SNAI2: variants seen among roughly 807,000 people sequenced by gnomAD.
SNAI2 encodes the protein zinc finger protein SNAI2.
Under a neutral mutation model 22.4 loss-of-function variants are expected in SNAI2, and 2 were observed. That is an observed-to-expected ratio of 0.09 (90% CI 0.04 to 0.28). SNAI2 has a LOEUF of 0.28. Ranked by LOEUF, SNAI2 falls within the 10% of genes least tolerant of loss-of-function variation. The probability of loss-of-function intolerance (pLI) is 1.00; values close to 1 mark genes in which losing one functional copy is unlikely to be tolerated. For missense variants in SNAI2, 239 were observed against 320.8 expected, an observed-to-expected ratio of 0.75 and a Z score of 1.95; for synonymous variants, 134 against 123.0, an observed-to-expected ratio of 1.09 and a Z score of -0.59.
chr8:48,920,068 G>A lies in SNAI2; in HGVS notation c.453C>T (p.Cys151=). 1 of 1,614,176 alleles carries A rather than the reference G, an allele frequency of 6.2e-7. No individual in the cohort carries two copies. The highest frequency in any genetic ancestry group is 8.5e-7 in the Non-Finnish European group (1 of 1,180,020). Residue 151 remains cysteine, a synonymous_variant, in exon 2 of 3, where the codon TGC becomes TGT. Coordinates refer to ENST00000020945, the MANE Select transcript of SNAI2 (RefSeq NM_003068.5). ...TGAAAGATTTTCTAGACTGGGCATC[G>A]CAGTGCAGCTGCTTATGTTTGGCCA... is the stretch of plus-strand genomic sequence containing the variant. ...SGLAKHKQLH[C]DAQSRKSFSC...
Position 48,921,298 on chromosome 8 carries a change from GA to G in SNAI2, c.-34del. 1.9e-6 allele frequency: 3 copies of G among 1,564,628 alleles called. No individual in the cohort carries two copies. The highest frequency in any genetic ancestry group is 1.8e-6 in the Non-Finnish European group (2 of 1,139,506). Reference sequence around the variant, plus strand: ...GCGGGTCTGGCGGGCGCCCGGCGCGGATAACGGTCCGGCGGGAGGACACGGC... The same window carrying G: ...GCGGGTCTGGCGGGCGCCCGGCGCGGTAACGGTCCGGCGGGAGGACACGGC... On this transcript the variant is annotated 5_prime_UTR_variant, in exon 1 of 3. Coordinates refer to ENST00000020945, the MANE Select transcript of SNAI2 (RefSeq NM_003068.5).
In SNAI2 at chr8:48,921,394, C is replaced by G; in HGVS notation, c.-129G>C. 1 of 753,268 alleles carries G rather than the reference C, an allele frequency of 1.3e-6. No individual in the cohort carries two copies. Among genetic ancestry groups the G allele is most frequent in the South Asian group, 1.4e-5 (1 of 69,046 alleles). 46.7% of individuals were successfully genotyped at this position (753,268 alleles called of 1,614,324 possible). On this transcript the variant is annotated 5_prime_UTR_variant, in exon 1 of 3. Coordinates refer to ENST00000020945, the MANE Select transcript of SNAI2 (RefSeq NM_003068.5). ...GCTCAGGTGCGGCAGACGGACGGGC[C>G]GGCGCCTCTGAAGTCACCCGGCTCC...
At position 48,921,390 on chromosome 8, in the gene SNAI2, G is replaced by T. The variant is rs1806160908; in HGVS notation, c.-125C>A. On this transcript the variant is annotated 5_prime_UTR_variant, in exon 1 of 3. Transcript: ENST00000020945. ...CCGTGCTCAGGTGCGGCAGACGGACGGGCCGGCGCCTCTGAAGTCACCCGG... is the reference window on the plus strand; with the variant it reads ...CCGTGCTCAGGTGCGGCAGACGGACTGGCCGGCGCCTCTGAAGTCACCCGG... 3.9e-6 allele frequency: 3 copies of T among 766,276 alleles called. No homozygotes were observed. The highest frequency in any genetic ancestry group is 1.4e-5 in the South Asian group (1 of 69,826). The allele number at this position is 766,276 out of a possible 1,614,324, so 47.5% of individuals were successfully genotyped here.
In SNAI2 at chr8:48,920,240, G is replaced by T; in HGVS notation, c.281C>A (p.Thr94Asn). ...TGAGCCACTGTGGTCCTTGGAGGAG[G>T]TGTCAGATGGAGGAGGGGGACTCAC... ...GRVSPPPPSD[T>N]SSKDHSGSES... The change falls in exon 2 of 3, where the codon ACC (threonine) becomes AAC (asparagine). Residue 94 changes from threonine to asparagine, a missense_variant. Physicochemically the swap from Thr to Asn is moderately conservative, Grantham distance 65 (BLOSUM62 0). Around this residue, in one of 3 missense-constraint regions of SNAI2, gnomAD observed 183 missense variants for 190.4 expected, o/e 0.96. Coordinates refer to ENST00000020945, the MANE Select transcript of SNAI2 (RefSeq NM_003068.5). The T allele has an allele frequency of 6.2e-7, 1 of 1,614,144 alleles. No homozygotes were observed. The highest frequency in any genetic ancestry group is 8.5e-7 in the Non-Finnish European group (1 of 1,180,008).
intron 1 of SNAI2, among the ~76,000 whole-genome samples, chr8:48,920,933 T>C (rs1806153725): frequency 6.6e-6 from 1 of 152,232 alleles, no homozygotes; most frequent in Non-Finnish European, 1.5e-5. Flanking sequence ...TCATTATGCA[T>C]GTATACACAG....
chr8:48,918,702 T>G lies in SNAI2; in HGVS notation c.*105A>C. On this transcript the variant is annotated 3_prime_UTR_variant, in exon 3 of 3. Transcript: ENST00000020945. ...GCATATGTGTGTGTGTCTATACATATTATTTGGTTGGTCAGCACAGGAGAA... is the reference window on the plus strand; with the variant it reads ...GCATATGTGTGTGTGTCTATACATAGTATTTGGTTGGTCAGCACAGGAGAA... 1 of 1,038,512 alleles carries G rather than the reference T, an allele frequency of 9.6e-7. No individual in the cohort carries two copies. The highest frequency in any genetic ancestry group is 1.5e-6 in the Non-Finnish European group (1 of 662,404). 64.3% of individuals were successfully genotyped at this position (1,038,512 alleles called of 1,614,324 possible).
rs560825840 is a variant in SNAI2, at chr8:48,921,205, C to T, written c.61G>A (p.Glu21Lys). Residue 21 changes from glutamate (E) to lysine (K), a missense_variant, in exon 1 of 3, where the codon GAA becomes AAA. Transcript: ENST00000020945. ...TTTTTACCTGTATGTGTGTCCAGTTCGCTGTAGTTTGGCTTTTTGGAGGCG... is the reference window on the plus strand; with the variant it reads ...TTTTTACCTGTATGTGTGTCCAGTTTGCTGTAGTTTGGCTTTTTGGAGGCG... ...FNASKKPNYS[E>K]LDTHTVIISP... 6.2e-7 allele frequency: 1 copy of T among 1,613,424 alleles called. No homozygotes were observed. The highest frequency in any genetic ancestry group is 1.3e-5 in the African/African-American group (1 of 75,056).
chr8:48,918,338 T>C lies in SNAI2; in HGVS notation c.*469A>G, dbSNP rs1806108951. On this transcript the variant is annotated 3_prime_UTR_variant, in exon 3 of 3. Transcript: ENST00000020945. The stretch of plus-strand genomic sequence containing the variant: ...TGGCAACCAGACAACCGACATGTAA[T>C]GGAGTAAACTTGGAATACTTTTTAA... 6.2e-6 allele frequency: 1 copy of C among 160,260 alleles called. No individual in the cohort carries two copies. The highest frequency in any genetic ancestry group is 1.8e-4 in the South Asian group (1 of 5,690). The allele number at this position is 160,260 out of a possible 1,614,324, so 9.9% of individuals were successfully genotyped here. A position where few individuals can be genotyped will look rare whatever the true frequency, so the allele number is the denominator to read the frequency against.
At chr8:48,919,111 A>G in intron 2 of SNAI2, 123 bp from the exon 3 acceptor site, 1 of 854,822 alleles carries the variant, frequency 1.2e-6, no homozygotes, top group Non-Finnish European at 1.8e-6. Context: ...GCAAAACCTG[A>G]TTAAAATCCC....
chr8:48,918,720 C>A lies in SNAI2; in HGVS notation c.*87G>T. ...ATACATATTATTTGGTTGGTCAGCACAGGAGAAAATGCCTTTGGACTTTAT... is the reference window on the plus strand; with the variant it reads ...ATACATATTATTTGGTTGGTCAGCAAAGGAGAAAATGCCTTTGGACTTTAT... On this transcript the variant is annotated 3_prime_UTR_variant, in exon 3 of 3. Transcript: ENST00000020945. The A allele has an allele frequency of 2.1e-6, 3 of 1,404,576 alleles. No individual in the cohort carries two copies. The highest frequency in any genetic ancestry group is 3.0e-6 in the Non-Finnish European group (3 of 991,036). The allele number at this position is 1,404,576 out of a possible 1,614,324, so 87.0% of individuals were successfully genotyped here. A position where few individuals can be genotyped will look rare whatever the true frequency, so the allele number is the denominator to read the frequency against.
chr8:48,919,873 C>A (rs1451480696), intron 2 of SNAI2, 23 bp downstream of exon 2: 1 of 1,611,264 alleles, frequency 6.2e-7, no homozygotes, highest in East Asian at 2.2e-5. Flanking sequence ...GAGTAACATT[C>A]CTGCCTATGG....
intron 2 of SNAI2, among the ~76,000 whole-genome samples, chr8:48,919,295 C>T (rs1401948224): frequency 6.6e-6 from 1 of 152,202 alleles, no homozygotes; most frequent in South Asian, 2.1e-4. Context: ...TAATGTTGAG[C>T]ACCTCCCAAC....
chr8:48,918,229 T>G lies in SNAI2; in HGVS notation c.*578A>C, dbSNP rs1211580593. On this transcript the variant is annotated 3_prime_UTR_variant, in exon 3 of 3. Coordinates refer to ENST00000020945, the MANE Select transcript of SNAI2 (RefSeq NM_003068.5). Reference sequence around the variant, plus strand: ...ATACTTTTAATACATTCTCCTGTGTTTTGTTCTTGTTATTTTTTTCCTCCC... The same window carrying G: ...ATACTTTTAATACATTCTCCTGTGTGTTGTTCTTGTTATTTTTTTCCTCCC... 6.5e-6 allele frequency: 1 copy of G among 153,500 alleles called. No homozygotes were observed. Among genetic ancestry groups the G allele is most frequent in the African/African-American group, 2.4e-5 (1 of 41,452 alleles). 9.5% of individuals were successfully genotyped at this position (153,500 alleles called of 1,614,324 possible).
Position 48,918,419 on chromosome 8 carries a change from T to C in SNAI2, c.*388A>G. The C allele has an allele frequency of 4.3e-6, 1 of 233,140 alleles. No homozygotes were observed. The highest frequency in any genetic ancestry group is 5.2e-5 in the Admixed American group (1 of 19,282). 14.4% of individuals were successfully genotyped at this position (233,140 alleles called of 1,614,324 possible). ...TCCTATGGGAAATCCTATTACAGAC[T>C]CTATTACAAAGCAATACTGTTCTTT... On this transcript the variant is annotated 3_prime_UTR_variant, in exon 3 of 3. Transcript: ENST00000020945.
chr8:48,918,699 ATAT>A lies in SNAI2; in HGVS notation c.*105_*107del. The stretch of plus-strand genomic sequence containing the variant: ...TGTGCATATGTGTGTGTGTCTATAC[ATAT>A]TATTTGGTTGGTCAGCACAGGAGAA... On this transcript the variant is annotated 3_prime_UTR_variant, in exon 3 of 3. Coordinates refer to ENST00000020945, the MANE Select transcript of SNAI2 (RefSeq NM_003068.5). 9 of 994,170 alleles carry A rather than the reference ATAT, an allele frequency of 9.1e-6. No individual in the cohort carries two copies. In the South Asian group the frequency reaches 1.2e-4, roughly 13 times the overall value. The allele number at this position is 994,170 out of a possible 1,614,324, so 61.6% of individuals were successfully genotyped here. A position where few individuals can be genotyped will look rare whatever the true frequency, so the allele number is the denominator to read the frequency against.
chr8:48,918,657 G>GT lies in SNAI2; in HGVS notation c.*149_*150insA, dbSNP rs1419152232. On this transcript the variant is annotated 3_prime_UTR_variant, in exon 3 of 3. Transcript: ENST00000020945. ...CATGCTCTTGCAGCTCTCTCTCTGTGGGTGTGTGTGTGTGTGTGTGCATAT... is the reference window on the plus strand; with the variant it reads ...CATGCTCTTGCAGCTCTCTCTCTGTGTGGTGTGTGTGTGTGTGTGTGCATAT... The GT allele has an allele frequency of 2.9e-5, 21 of 712,824 alleles. No homozygotes were observed. Among genetic ancestry groups the GT allele is most frequent in the African/African-American group, 2.3e-4 (13 of 57,714 alleles). 44.2% of individuals were successfully genotyped at this position (712,824 alleles called of 1,614,324 possible). A position where few individuals can be genotyped will look rare whatever the true frequency, so the allele number is the denominator to read the frequency against.
In SNAI2 at chr8:48,918,731, G is replaced by A; in HGVS notation, c.*76C>T. 6.6e-7 allele frequency: 1 copy of A among 1,513,942 alleles called. No individual in the cohort carries two copies. The highest frequency in any genetic ancestry group is 9.2e-7 in the Non-Finnish European group (1 of 1,089,708). 93.8% of individuals were successfully genotyped at this position (1,513,942 alleles called of 1,614,324 possible). On this transcript the variant is annotated 3_prime_UTR_variant, in exon 3 of 3. Transcript: ENST00000020945. ...TTGGTTGGTCAGCACAGGAGAAAAT[G>A]CCTTTGGACTTTATTTGTCATTTGG...
chr8:48,919,024 C>T (rs199734380), intron 2 of SNAI2, 36 bp from the exon 3 acceptor site: 4 of 1,595,962 alleles, frequency 2.5e-6, no homozygotes, highest in African/African-American at 2.7e-5. Flanking sequence ...GAAAGACAGT[C>T]AGTGTTTTTA....
chr8:48,920,644 G>A (rs1340250948), intron 1 of SNAI2, among the ~76,000 whole-genome samples: 2 of 152,174 alleles, frequency 1.3e-5, no homozygotes, highest in African/African-American at 2.4e-5. Flanking sequence ...TGTACTTAAT[G>A]CACACATAGG....
Sources: gnomAD v4.1 joint callset for allele counts (sites outside exome capture counted in the v4.1 genomes callset) on GRCh38, gnomAD v4.1.1 for gene constraint, gnomAD v4.1.1 regional missense constraint, MANE v1.5 for transcripts, NCBI Gene and HGNC (gene_info 2026-07-23, HGNC 2026-07-21) for gene names.